The following GLRB variants were observed in gnomAD, a reference collection of about 807,000 sequenced individuals.
GLRB encodes the protein glycine receptor beta.
GLRB carries 33 observed loss-of-function variants against 54.2 expected under a neutral mutation model. The observed-to-expected ratio is 0.61, with a 90% CI of 0.46 to 0.81. The LOEUF is 0.81. Ranked by LOEUF, GLRB falls within the 40% of genes least tolerant of loss-of-function variation. The pLI is 0.00. For missense variants in GLRB, 572 were observed against 584.6 expected (o/e 0.98, Z 0.22); for synonymous variants, 209 against 208.2 (o/e 1.00, Z -0.03).
chr4:157,089,861 C>G (rs1242082506), intron 2 of GLRB, among the ~76,000 whole-genome samples: 2 of 150,106 alleles, frequency 1.3e-5, no homozygotes, highest in Non-Finnish European at 3.0e-5. Context: ...TATCTGTATT[C>G]CCCAGCTCTA....
At chr4:157,137,063 T>C (rs1260183799) in intron 6 of GLRB, among the ~76,000 whole-genome samples, 177 bp downstream of exon 6, 3 of 152,198 alleles carry the variant, frequency 2.0e-5, no homozygotes, top group Admixed American at 6.5e-5. Flanking sequence ...TATCTTAACT[T>C]GTATTAAGAT....
intron 2 of GLRB, among the ~76,000 whole-genome samples, chr4:157,095,726 C>T (rs915440735): frequency 6.6e-6 from 1 of 152,086 alleles, no homozygotes; most frequent in African/African-American, 2.4e-5. Context: ...ATTGAGGGCT[C>T]TCTGTGGACT....
At position 157,082,441 on chromosome 4, in the gene GLRB, A is replaced by G. The variant is rs564550875; in HGVS notation, c.122+4295A>G. On this transcript the variant is annotated intron_variant, in intron 2 of 9. Transcript: ENST00000264428. ...CAGCAAGCAACATAGCTCCTGGCAC[A>G]AAATATACATATAATAAAAATTTAT... 5.8e-4 allele frequency among the ~76,000 whole-genome samples: 89 copies of G among 152,338 alleles called. 1 individual carries two copies. Among genetic ancestry groups the G allele is most frequent in the Admixed American group, 4.8e-3 (73 of 15,304 alleles).
chr4:157,077,268 AAC>A (rs1734072862), intron 1 of GLRB, among the ~76,000 whole-genome samples: 1 of 152,180 alleles, frequency 6.6e-6, no homozygotes, highest in Non-Finnish European at 1.5e-5. Flanking sequence ...AAAAAAATGT[AAC>A]AACACTTGTT....
chr4:157,133,118 A>G (rs933356854), intron 4 of GLRB, among the ~76,000 whole-genome samples: 5 of 151,952 alleles, frequency 3.3e-5, no homozygotes, highest in Non-Finnish European at 7.4e-5. Flanking sequence ...TAGAAAAGGA[A>G]TGCTGTCAAT....
At chr4:157,130,889 A>G (rs921416185) in intron 4 of GLRB, among the ~76,000 whole-genome samples, 5 of 151,764 alleles carry the variant, frequency 3.3e-5, no homozygotes, top group African/African-American at 1.2e-4. Flanking sequence ...TGATGCACTA[A>G]TAAGGGAACC....
At chr4:157,114,296 T>C (rs960924573) in intron 2 of GLRB, among the ~76,000 whole-genome samples, 1 of 151,632 alleles carries the variant, frequency 6.6e-6, no homozygotes, top group Non-Finnish European at 1.5e-5. Flanking sequence ...GAGAGTGCAA[T>C]TGGCTCTCCT....
intron 2 of GLRB, among the ~76,000 whole-genome samples, chr4:157,117,994 G>T (rs1246238889): frequency 6.6e-6 from 1 of 151,652 alleles, no homozygotes; most frequent in Non-Finnish European, 1.5e-5. Flanking sequence ...GACAGGTTTG[G>T]TTTAGATTAG....
chr4:157,138,506 C>T (rs951913568), intron 6 of GLRB, among the ~76,000 whole-genome samples: 2 of 152,082 alleles, frequency 1.3e-5, no homozygotes, highest in African/African-American at 4.8e-5. Context: ...TTATTGATGA[C>T]CATTAAAAAC....
chr4:157,117,466 A>G (rs1209943363), intron 2 of GLRB, among the ~76,000 whole-genome samples: 1 of 151,680 alleles, frequency 6.6e-6, no homozygotes, highest in African/African-American at 2.4e-5. Context: ...ATGACTATCA[A>G]ATGAAAGAAT....
chr4:157,077,861 T>C, intron 1 of GLRB, 135 bp from the exon 2 acceptor site: 1 of 592,816 alleles, frequency 1.7e-6, no homozygotes, highest in South Asian at 2.0e-5. Context: ...TATTACCACA[T>C]AGGACTGAGC....
intron 9 of GLRB, among the ~76,000 whole-genome samples, chr4:157,163,158 G>A (rs1005874023): frequency 6.6e-6 from 1 of 152,172 alleles, no homozygotes; most frequent in African/African-American, 2.4e-5. Flanking sequence ...TAATTTCCTG[G>A]TGTGCCATTT....
chr4:157,137,565 A>G (rs1436916940), intron 6 of GLRB, among the ~76,000 whole-genome samples: 3 of 151,856 alleles, frequency 2.0e-5, no homozygotes, highest in Non-Finnish European at 4.4e-5. Flanking sequence ...TTCTTCAGAG[A>G]GTAAAGAATA....
At chr4:157,137,926 T>C (rs1425209457) in intron 6 of GLRB, among the ~76,000 whole-genome samples, 1 of 152,194 alleles carries the variant, frequency 6.6e-6, no homozygotes, top group East Asian at 1.9e-4. Context: ...TAAAATTCTT[T>C]AAATTGTAGC....
At chr4:157,123,216 G>T (rs1184473138) in intron 4 of GLRB, among the ~76,000 whole-genome samples, 2 of 151,644 alleles carry the variant, frequency 1.3e-5, no homozygotes, top group Non-Finnish European at 2.9e-5. Context: ...TTATTTTCCT[G>T]TATTTTTGGG....
chr4:157,099,073 C>G (rs1734920354), intron 2 of GLRB, among the ~76,000 whole-genome samples: 1 of 152,086 alleles, frequency 6.6e-6, no homozygotes, highest in African/African-American at 2.4e-5. Flanking sequence ...ACAAACAGCT[C>G]AGCTACTCGT....
intron 2 of GLRB, among the ~76,000 whole-genome samples, chr4:157,079,297 G>A (rs1348415169): frequency 6.6e-6 from 1 of 151,976 alleles, no homozygotes; most frequent in African/African-American, 2.4e-5. Flanking sequence ...TTTTATTCCA[G>A]CATCATTATT....
At chr4:157,133,767 G>C (rs1736300175) in intron 4 of GLRB, among the ~76,000 whole-genome samples, 1 of 151,928 alleles carries the variant, frequency 6.6e-6, no homozygotes, top group Non-Finnish European at 1.5e-5. Flanking sequence ...AGCTGCTTCT[G>C]CTGATTAAAA....
chr4:157,170,537 T>A lies in GLRB; in HGVS notation c.1303T>A (p.Tyr435Asn). 1 of 1,612,334 alleles carries A rather than the reference T, an allele frequency of 6.2e-7. No homozygotes were observed. Among genetic ancestry groups the A allele is most frequent in the South Asian group, 1.1e-5 (1 of 91,046 alleles). Residue 435 changes from tyrosine (Y) to asparagine (N), a missense_variant, in exon 10 of 10, where the codon TAT (tyrosine) becomes AAT (asparagine). Physicochemically the swap from Tyr to Asn is moderately radical, Grantham distance 143 (BLOSUM62 -2). Coordinates refer to ENST00000264428, the MANE Select transcript of GLRB (RefSeq NM_000824.5). ...SLPRDFELSNYDCYGKPIEVN... is the reference protein window; with the variant it reads ...SLPRDFELSNNDCYGKPIEVN... ...ACCAAGAGATTTTGAACTATCCAAT[T>A]ATGACTGCTATGGAAAACCCATTGA...
Sources: gnomAD v4.1 joint callset for allele counts (sites outside exome capture counted in the v4.1 genomes callset) on GRCh38, gnomAD v4.1.1 for gene constraint, MANE v1.5 for transcripts, NCBI Gene and HGNC (gene_info 2026-07-23, HGNC 2026-07-21) for gene names.